The following LDLRAD3 variants were observed in gnomAD, a reference collection of about 807,000 sequenced individuals.
The protein encoded by LDLRAD3 is low-density lipoprotein receptor class A domain-containing protein 3.
LDLRAD3 carries 20 observed loss-of-function variants against 29.4 expected under a neutral mutation model. That is an observed-to-expected ratio of 0.68 (90% CI 0.48 to 0.99). LDLRAD3 has a LOEUF of 0.99. LDLRAD3 is among the 50% of genes least tolerant of loss of function. The probability of loss-of-function intolerance (pLI) is 0.00; values close to 1 mark genes in which losing one functional copy is unlikely to be tolerated. For missense variants in LDLRAD3, 420 were observed against 454.3 expected (o/e 0.92, Z 0.69); for synonymous variants, 157 against 192.7 (o/e 0.81, Z 1.53).
intron 1 of LDLRAD3, among the ~76,000 whole-genome samples, chr11:36,005,804 T>G (rs1047202778): frequency 6.6e-6 from 1 of 152,112 alleles, no homozygotes; most frequent in Non-Finnish European, 1.5e-5. Context: ...TCAGGCAACT[T>G]AAAATCATGG....
chr11:36,193,352 C>T (rs1046143905), intron 4 of LDLRAD3, among the ~76,000 whole-genome samples: 1 of 152,202 alleles, frequency 6.6e-6, no homozygotes, highest in Admixed American at 6.5e-5. Flanking sequence ...AATAGCTTAT[C>T]TGGCCACCCT....
chr11:36,090,531 C>T (rs562387830), intron 3 of LDLRAD3, among the ~76,000 whole-genome samples: 5 of 152,208 alleles, frequency 3.3e-5, no homozygotes, highest in South Asian at 2.1e-4. Context: ...ACTTGTTCCC[C>T]GGAAAAGGCA....
intron 4 of LDLRAD3, among the ~76,000 whole-genome samples, chr11:36,099,626 T>C (rs917623321): frequency 2.6e-5 from 4 of 152,176 alleles, no homozygotes; most frequent in African/African-American, 7.2e-5. Context: ...GGAGGTAGGA[T>C]AGATGATGGA....
At chr11:36,073,502 G>T (rs34279564) in intron 2 of LDLRAD3, among the ~76,000 whole-genome samples, 1 of 152,238 alleles carries the variant, frequency 6.6e-6, no homozygotes, top group African/African-American at 2.4e-5. Flanking sequence ...GGACAGTCGG[G>T]GCCTTGCCCA....
chr11:36,074,212 A>G (rs574438896), intron 2 of LDLRAD3, among the ~76,000 whole-genome samples: 1 of 152,350 alleles, frequency 6.6e-6, no homozygotes, highest in South Asian at 2.1e-4. Flanking sequence ...AAGTATGCAA[A>G]TGAGCGTACG....
At chr11:36,148,668 C>T (rs1854232642) in intron 4 of LDLRAD3, among the ~76,000 whole-genome samples, 2 of 152,070 alleles carry the variant, frequency 1.3e-5, no homozygotes, top group African/African-American at 4.8e-5. Context: ...GACTCTGGGT[C>T]TTTGTATGAC....
At chr11:36,046,010 G>A (rs993994810) in intron 2 of LDLRAD3, among the ~76,000 whole-genome samples, 4 of 151,654 alleles carry the variant, frequency 2.6e-5, no homozygotes, top group Non-Finnish European at 4.4e-5. Flanking sequence ...TCCCCTCCCT[G>A]TGTCTATGCA....
rs183330681 is a variant in LDLRAD3, at chr11:36,187,703, G to A, written c.455-39382G>A. On this transcript the variant is annotated intron_variant, in intron 4 of 5. Coordinates refer to ENST00000315571, the MANE Select transcript of LDLRAD3 (RefSeq NM_174902.4). ...TGTTTGTTTTAGATGCTGTGGTACC[G>A]GCTGGTTTTAGCAACAAGGACAGTG... 3.1e-4 allele frequency among the ~76,000 whole-genome samples: 47 copies of A among 152,236 alleles called. No individual in the cohort carries two copies. The East Asian group carries it at 7.9e-3, about 26-fold the overall frequency.
At position 36,095,733 on chromosome 11, in the gene LDLRAD3, ACT is replaced by A. The variant is rs68129693; in HGVS notation, c.320-2591_320-2590del. 7.9e-5 allele frequency among the ~76,000 whole-genome samples: 12 copies of A among 152,248 alleles called. No homozygotes were observed. The South Asian group carries it at 1.0e-3, about 13-fold the overall frequency. The stretch of plus-strand genomic sequence containing the variant: ...GATGACAGTAGTTTCAGCAAGGATG[ACT>A]CTGCACAGCTTTCCCCATCAGGACG... On this transcript the variant is annotated intron_variant, in intron 3 of 5. Transcript: ENST00000315571.
chr11:36,199,433 C>T (rs1855084727), intron 4 of LDLRAD3, among the ~76,000 whole-genome samples: 1 of 152,196 alleles, frequency 6.6e-6, no homozygotes, highest in Non-Finnish European at 1.5e-5. Flanking sequence ...TGTTAATTTG[C>T]TTTCCACCTC....
At chr11:36,081,115 G>A (rs1188227500) in intron 2 of LDLRAD3, among the ~76,000 whole-genome samples, 1 of 152,198 alleles carries the variant, frequency 6.6e-6, no homozygotes, top group Non-Finnish European at 1.5e-5. Context: ...CCAAGGAAGA[G>A]CCAACCTTGC....
intron 1 of LDLRAD3, among the ~76,000 whole-genome samples, chr11:36,002,315 T>C (rs1158053157): frequency 6.6e-6 from 1 of 152,218 alleles, no homozygotes; most frequent in African/African-American, 2.4e-5. Flanking sequence ...CAGAGTTGAA[T>C]GGCTTGCAGC....
intron 1 of LDLRAD3, among the ~76,000 whole-genome samples, chr11:35,994,627 A>G (rs1851731490): frequency 1.3e-5 from 2 of 152,206 alleles, no homozygotes; most frequent in East Asian, 1.9e-4. Context: ...TACCACATCA[A>G]TGGACTCTTC....
chr11:36,004,624 T>C (rs1851862084), intron 1 of LDLRAD3, among the ~76,000 whole-genome samples: 1 of 152,210 alleles, frequency 6.6e-6, no homozygotes, highest in South Asian at 2.1e-4. Flanking sequence ...ACAGCTCTAC[T>C]AGGCAGTGCC....
chr11:36,088,479 C>T (rs958714721), intron 3 of LDLRAD3, among the ~76,000 whole-genome samples: 1 of 152,178 alleles, frequency 6.6e-6, no homozygotes, highest in African/African-American at 2.4e-5. Context: ...TGTATCTCTC[C>T]ACTGATGACA....
chr11:36,068,920 T>C (rs1049835267), intron 2 of LDLRAD3, among the ~76,000 whole-genome samples: 1 of 152,226 alleles, frequency 6.6e-6, no homozygotes, highest in African/African-American at 2.4e-5. Context: ...GAAAGAATTT[T>C]CTACGAGAGA....
At chr11:36,066,100 C>G (rs922526936) in intron 2 of LDLRAD3, among the ~76,000 whole-genome samples, 4 of 151,932 alleles carry the variant, frequency 2.6e-5, no homozygotes, top group African/African-American at 7.2e-5. Context: ...GAATGGAGTC[C>G]TCTCTGAGTT....
chr11:36,104,494 C>T (rs967961280), intron 4 of LDLRAD3, among the ~76,000 whole-genome samples: 6 of 152,180 alleles, frequency 3.9e-5, no homozygotes, highest in Non-Finnish European at 7.3e-5. Context: ...CCAATTCTCA[C>T]TGCTCTAACC....
chr11:36,121,895 T>C (rs1404247325), intron 4 of LDLRAD3, among the ~76,000 whole-genome samples: 3 of 152,242 alleles, frequency 2.0e-5, no homozygotes, highest in East Asian at 3.9e-4. Context: ...CTGCAATGGC[T>C]GGTGTTACTG....
Sources: gnomAD v4.1 joint callset for allele counts (sites outside exome capture counted in the v4.1 genomes callset) on GRCh38, gnomAD v4.1.1 for gene constraint, MANE v1.5 for transcripts, NCBI Gene and HGNC (gene_info 2026-07-23, HGNC 2026-07-21) for gene names.